The following RANBP2 variants were observed in gnomAD, a reference collection of about 807,000 sequenced individuals.
The protein encoded by RANBP2 is E3 SUMO-protein ligase RanBP2.
Under a neutral mutation model 303.6 loss-of-function variants are expected in RANBP2, and 57 were observed. The ratio of observed to expected loss-of-function variants is 0.19; its 90% CI spans 0.15 to 0.23. The LOEUF (loss-of-function observed/expected upper bound fraction) is 0.23, where lower values mean the gene tolerates loss of function less well. Among genes scored for constraint, RANBP2 ranks in the 10% least tolerant of loss-of-function variants. The probability of loss-of-function intolerance (pLI) is 1.00; values close to 1 mark genes in which losing one functional copy is unlikely to be tolerated. For missense variants in RANBP2, 3,138 were observed against 3,780.8 expected (o/e 0.83, Z 4.46); for synonymous variants, 1,167 against 1,301.5 (o/e 0.90, Z 2.23).
chr2:108,782,432 A>G, intron 27 of RANBP2, 31 bp downstream of exon 27: 1 of 1,613,848 alleles, frequency 6.2e-7, no homozygotes, highest in Non-Finnish European at 8.5e-7. Flanking sequence ...GCTACTTTTC[A>G]TTTTTTGGAC....
chr2:108,916,433 C>G, the RANBP2 span, among the ~76,000 whole-genome samples: 1 of 152,118 alleles, frequency 6.6e-6, no homozygotes, highest in Non-Finnish European at 1.5e-5. Flanking sequence ...TGTGGGATGC[C>G]TCTGCAGCCC....
chr2:108,823,945 C>T, the RANBP2 span, among the ~76,000 whole-genome samples: 110,105 of 151,466 alleles, frequency 0.73, 42,155 homozygotes, highest in East Asian at 0.95. Context: ...CCACTGCACT[C>T]CAGCCTGGGC....
At chr2:109,392,811 G>A in the RANBP2 span, among the ~76,000 whole-genome samples, 14 of 152,110 alleles carry the variant, frequency 9.2e-5, no homozygotes, top group African/African-American at 3.1e-4. Flanking sequence ...CACCACGCAC[G>A]GCCCCCTGGC....
chr2:108,867,813 C>CT, the RANBP2 span, among the ~76,000 whole-genome samples: 1 of 152,172 alleles, frequency 6.6e-6, no homozygotes, highest in African/African-American at 2.4e-5. Context: ...ATGTTCCAGC[C>CT]TTTGAGTCAT....
the RANBP2 span, among the ~76,000 whole-genome samples, chr2:109,337,987 C>T: frequency 2.0e-5 from 3 of 152,136 alleles, no homozygotes; most frequent in African/African-American, 7.2e-5. Context: ...CTGCTGCGGC[C>T]TCCCAAAGTG....
At chr2:108,807,369 G>T in the RANBP2 span, among the ~76,000 whole-genome samples, 4 of 152,002 alleles carry the variant, frequency 2.6e-5, no homozygotes, top group Non-Finnish European at 4.4e-5. Flanking sequence ...CCATTGAATG[G>T]GGTTTTAAAA....
At chr2:109,279,994 T>G in the RANBP2 span, among the ~76,000 whole-genome samples, 1 of 152,120 alleles carries the variant, frequency 6.6e-6, no homozygotes, top group Non-Finnish European at 1.5e-5. Flanking sequence ...CGGTTTCTCT[T>G]AGGCTGTGCT....
chr2:109,274,115 T>C, the RANBP2 span, among the ~76,000 whole-genome samples: 7 of 152,230 alleles, frequency 4.6e-5, no homozygotes, highest in Admixed American at 1.3e-4. Flanking sequence ...TCATTTGTGG[T>C]AGTATGTCAA....
At chr2:109,372,462 A>G in the RANBP2 span, among the ~76,000 whole-genome samples, 1 of 152,182 alleles carries the variant, frequency 6.6e-6, no homozygotes. Flanking sequence ...ATCCCATAAG[A>G]GTGGCTTCAG....
At chr2:108,974,343 A>AG in the RANBP2 span, among the ~76,000 whole-genome samples, 1 of 150,184 alleles carries the variant, frequency 6.7e-6, no homozygotes, top group East Asian at 2.0e-4. Flanking sequence ...AAAAAAAAAA[A>AG]AAAAAAAAAA....
chr2:109,181,585 T>C, the RANBP2 span, among the ~76,000 whole-genome samples: 1 of 152,200 alleles, frequency 6.6e-6, no homozygotes, highest in Non-Finnish European at 1.5e-5. Context: ...GATTCCTCTT[T>C]ATTAAAAGTT....
chr2:109,101,167 C>T, the RANBP2 span, among the ~76,000 whole-genome samples: 8 of 152,084 alleles, frequency 5.3e-5, no homozygotes, highest in Non-Finnish European at 1.2e-4. Context: ...CCATACTAGG[C>T]GCTCTCTTGT....
At chr2:108,731,266 C>T (rs1695146495) in intron 3 of RANBP2, 56 bp from the exon 4 acceptor site, 7 of 1,584,218 alleles carry the variant, frequency 4.4e-6, no homozygotes, top group South Asian at 1.1e-5. Context: ...TATATATACT[C>T]CTACATACAT....
the RANBP2 span, chr2:108,896,667 A>C: frequency 1.8e-6 from 1 of 546,448 alleles, no homozygotes; most frequent in African/African-American, 1.9e-5. Context: ...GAGTGAGTAG[A>C]TATTTACTCT....
At chr2:108,814,632 A>C in the RANBP2 span, among the ~76,000 whole-genome samples, 1 of 148,926 alleles carries the variant, frequency 6.7e-6, no homozygotes, top group Non-Finnish European at 1.5e-5. Context: ...CTGTCTTTGA[A>C]TTTTTTTGTT....
At chr2:108,980,396 C>A in the RANBP2 span, among the ~76,000 whole-genome samples, 1 of 152,022 alleles carries the variant, frequency 6.6e-6, no homozygotes, top group African/African-American at 2.4e-5. Flanking sequence ...GCACGCCCTG[C>A]CGCTCACCTC....
chr2:109,405,941 T>G, the RANBP2 span, among the ~76,000 whole-genome samples: 1 of 152,220 alleles, frequency 6.6e-6, no homozygotes, highest in South Asian at 2.1e-4. Context: ...TGGATGGTCT[T>G]GTACATAAAG....
the RANBP2 span, among the ~76,000 whole-genome samples, chr2:109,563,178 T>A: frequency 6.6e-6 from 1 of 152,320 alleles, no homozygotes; most frequent in East Asian, 1.9e-4. Flanking sequence ...CCCAAAGTGC[T>A]GGGATTACAG....
At chr2:109,172,342 C>T in the RANBP2 span, among the ~76,000 whole-genome samples, 2 of 152,244 alleles carry the variant, frequency 1.3e-5, no homozygotes, top group African/African-American at 2.4e-5. Flanking sequence ...CGCGAGCCAG[C>T]GGTCAAACCC....
Sources: allele counts gnomAD v4.1 joint callset (sites outside exome capture counted in the v4.1 genomes callset), GRCh38; gene constraint gnomAD v4.1.1; transcripts MANE v1.5; gene names NCBI Gene and HGNC (gene_info 2026-07-23, HGNC 2026-07-21).